The following PACSIN1 variants were observed in gnomAD, a reference collection of about 807,000 sequenced individuals.
PACSIN1 encodes the protein protein kinase C and casein kinase substrate in neurons 1.
In PACSIN1, 15 loss-of-function variants were observed where a neutral mutation model predicts 59.5. The ratio of observed to expected loss-of-function variants is 0.25; its 90% CI spans 0.17 to 0.39. The LOEUF (loss-of-function observed/expected upper bound fraction) is 0.39, where lower values mean the gene tolerates loss of function less well. Among genes scored for constraint, PACSIN1 ranks in the 10% least tolerant of loss-of-function variants. The pLI, the probability that PACSIN1 is intolerant of heterozygous loss-of-function variation, is 1.00. For missense variants in PACSIN1, 420 were observed against 580.2 expected, an observed-to-expected ratio of 0.72 and a Z score of 2.84; for synonymous variants, 210 against 220.6, an observed-to-expected ratio of 0.95 and a Z score of 0.42.
Position 34,516,195 on chromosome 6 carries a change from C to T in PACSIN1, c.-63-10048C>T, listed in dbSNP as rs1391751999. 6.6e-6 allele frequency among the ~76,000 whole-genome samples: 1 copy of T among 152,164 alleles called. No individual in the cohort carries two copies. Among genetic ancestry groups the T allele is most frequent in the Non-Finnish European group, 1.5e-5 (1 of 68,014 alleles). On this transcript the variant is annotated intron_variant, in intron 1 of 9. Transcript: ENST00000244458. The surrounding 1 kb of genome is among the most constrained non-coding windows in gnomAD (Gnocchi z 5.4). ...GGACCACAGTGTGGGGTGTCCCCTT[C>T]CCATGGGCACTCGGGTCAGAGGGCC... is the stretch of plus-strand genomic sequence containing the variant.
rs148761372 is a variant in PACSIN1, at chr6:34,529,786, C to T, written c.733C>T (p.Leu245Phe). The T allele has an allele frequency of 8.9e-5, 143 of 1,613,896 alleles. No homozygotes were observed. The highest frequency in any genetic ancestry group is 1.3e-4 in the Admixed American group (8 of 59,972). ...ATTTGAGGAAAAGCGGCTGGTCTTC[C>T]TCAAGGAGGTGCTGCTGGACATCAA... ...QQFEEKRLVF[L>F]KEVLLDIKRH... Residue 245 changes from leucine to phenylalanine, a missense_variant, in exon 6 of 10, where the codon CTC becomes TTC. Coordinates refer to ENST00000244458, the MANE Select transcript of PACSIN1 (RefSeq NM_020804.5). The surrounding 1 kb of genome is among the most constrained non-coding windows in gnomAD (Gnocchi z 6.3).
In PACSIN1 at chr6:34,530,908, G is replaced by C. The variant is rs900605403; in HGVS notation, c.1037+321G>C. On this transcript the variant is annotated intron_variant, in intron 8 of 9. Transcript: ENST00000244458. The surrounding 1 kb of genome is among the most constrained non-coding windows in gnomAD (Gnocchi z 4.4). ...TCGCATGCGCAGTTCACAATAGGGG[G>C]GTTGCGCTCCTATGAGAATCTAACG... is the stretch of plus-strand genomic sequence containing the variant. Among the ~76,000 whole-genome samples the C allele has an allele frequency of 1.3e-5, 2 of 152,210 alleles. No individual in the cohort carries two copies. The highest frequency in any genetic ancestry group is 2.9e-5 in the Non-Finnish European group (2 of 68,040).
chr6:34,532,262 T>A lies in PACSIN1; in HGVS notation c.1226-159T>A, dbSNP rs2127277017. 6.6e-6 allele frequency among the ~76,000 whole-genome samples: 1 copy of A among 152,028 alleles called. No individual in the cohort carries two copies. Among genetic ancestry groups the A allele is most frequent in the Non-Finnish European group, 1.5e-5 (1 of 67,924 alleles). On this transcript the variant is annotated intron_variant, in intron 9 of 9. Transcript: ENST00000244458. The surrounding 1 kb of genome is among the most constrained non-coding windows in gnomAD (Gnocchi z 5.2). ...CTATGCCAAGGGTGGCACGTGAATG[T>A]TGGCGTGGGACTGGGGCTGGTTTCC... is the stretch of plus-strand genomic sequence containing the variant.
intron 1 of PACSIN1, among the ~76,000 whole-genome samples, chr6:34,489,650 C>T (rs1173488558): frequency 2.0e-5 from 3 of 152,206 alleles, no homozygotes; most frequent in African/African-American, 7.2e-5. Flanking sequence ...GAGACTACCA[C>T]TGGATGTCCT....
At position 34,529,320 on chromosome 6, in the gene PACSIN1, G is replaced by C; in HGVS notation, c.457-77G>C. 6.6e-7 allele frequency: 1 copy of C among 1,517,580 alleles called. No individual in the cohort carries two copies. Among genetic ancestry groups the C allele is most frequent in the Non-Finnish European group, 9.1e-7 (1 of 1,103,592 alleles). The allele number at this position is 1,517,580 out of a possible 1,614,324, so 94.0% of individuals were successfully genotyped here. The stretch of plus-strand genomic sequence containing the variant: ...CTCACAGGTCCCAGGGAGTGGGCAG[G>C]GGAGGAGTTAATGGGTGACCATGTT... On this transcript the variant is annotated intron_variant, in intron 4 of 9. Coordinates refer to ENST00000244458, the MANE Select transcript of PACSIN1 (RefSeq NM_020804.5). The surrounding 1 kb of genome is among the most constrained non-coding windows in gnomAD (Gnocchi z 6.3).
chr6:34,508,660 T>C (rs1767152591), intron 1 of PACSIN1, among the ~76,000 whole-genome samples: 1 of 152,194 alleles, frequency 6.6e-6, no homozygotes, highest in South Asian at 2.1e-4. Flanking sequence ...TTCAAATTTA[T>C]CCACATCCTT....
At position 34,472,144 on chromosome 6, in the gene PACSIN1, C is replaced by T. The variant is rs142575690; in HGVS notation, c.-64+5874C>T. On this transcript the variant is annotated intron_variant, in intron 1 of 9. Transcript: ENST00000244458. ...AAAATTACCTGGGTGTGGTGAAGGA[C>T]GCCTGTAGTCCCAGCTACTCAGGAG... is the stretch of plus-strand genomic sequence containing the variant. Among the ~76,000 whole-genome samples the T allele has an allele frequency of 8.0e-3, 1,210 of 151,980 alleles. 12 individuals carry two copies. The highest frequency in any genetic ancestry group is 0.027 in the African/African-American group (1,107 of 41,418).
In PACSIN1 at chr6:34,529,083, G is replaced by C. The variant is rs542786083; in HGVS notation, c.456+206G>C. Among the ~76,000 whole-genome samples the C allele has an allele frequency of 4.3e-4, 66 of 152,260 alleles. No homozygotes were observed. The highest frequency in any genetic ancestry group is 8.7e-4 in the Non-Finnish European group (59 of 68,016). ...GGGTAAGGAGACCCATGGGCAAAAA[G>C]GGGCACTGTCCCCAGGAAAGATACC... On this transcript the variant is annotated intron_variant, in intron 4 of 9. Coordinates refer to ENST00000244458, the MANE Select transcript of PACSIN1 (RefSeq NM_020804.5). The surrounding 1 kb of genome is among the most constrained non-coding windows in gnomAD (Gnocchi z 6.3).
At chr6:34,471,047 G>T (rs1031459109) in intron 1 of PACSIN1, among the ~76,000 whole-genome samples, 94 of 152,146 alleles carry the variant, frequency 6.2e-4, no homozygotes, top group African/African-American at 2.2e-3. Flanking sequence ...CCAGGTTCAA[G>T]TGATTCTCCT....
Position 34,491,800 on chromosome 6 carries a change from C to T in PACSIN1, c.-64+25530C>T, listed in dbSNP as rs566927994. ...CTAATTTTTGTATATTTAGTAGAGA[C>T]GGGGTTTCACCATGTTGACCAGGCT... On this transcript the variant is annotated intron_variant, in intron 1 of 9. Coordinates refer to ENST00000244458, the MANE Select transcript of PACSIN1 (RefSeq NM_020804.5). Among the ~76,000 whole-genome samples the T allele has an allele frequency of 8.6e-5, 13 of 151,908 alleles. No individual in the cohort carries two copies. The South Asian group carries it at 2.1e-3, about 24-fold the overall frequency.
intron 1 of PACSIN1, among the ~76,000 whole-genome samples, chr6:34,522,416 A>G (rs1767409717): frequency 6.6e-6 from 1 of 152,222 alleles, no homozygotes; most frequent in South Asian, 2.1e-4. Context: ...ACACCTCTCT[A>G]TGTAATGATA....
intron 1 of PACSIN1, among the ~76,000 whole-genome samples, chr6:34,503,658 T>A (rs1767061911): frequency 6.6e-6 from 1 of 152,210 alleles, no homozygotes; most frequent in Non-Finnish European, 1.5e-5. Flanking sequence ...TGTGGTTCCA[T>A]CTCCGGAGGG....
intron 2 of PACSIN1, among the ~76,000 whole-genome samples, chr6:34,526,918 G>C (rs1332281745): frequency 6.6e-6 from 1 of 152,104 alleles, no homozygotes; most frequent in African/African-American, 2.4e-5. Context: ...ATGAGATGTC[G>C]ACAAAACATA....
chr6:34,530,624 G>A lies in PACSIN1; in HGVS notation c.1037+37G>A. On this transcript the variant is annotated intron_variant, in intron 8 of 9. Coordinates refer to ENST00000244458, the MANE Select transcript of PACSIN1 (RefSeq NM_020804.5). The surrounding 1 kb of genome is among the most constrained non-coding windows in gnomAD (Gnocchi z 4.4). ...CTGTGGAGCTTCCTGGGGCCAAGAG[G>A]GACCCACACTCTGGGGCAGCTGAGT... 1.3e-6 allele frequency: 2 copies of A among 1,507,152 alleles called. No individual in the cohort carries two copies. The highest frequency in any genetic ancestry group is 3.6e-4 in the Middle Eastern group (2 of 5,558). The allele number at this position is 1,507,152 out of a possible 1,614,324, so 93.4% of individuals were successfully genotyped here.
Position 34,530,667 on chromosome 6 carries a change from G to A in PACSIN1, c.1037+80G>A. On this transcript the variant is annotated intron_variant, in intron 8 of 9. Coordinates refer to ENST00000244458, the MANE Select transcript of PACSIN1 (RefSeq NM_020804.5). This position sits in a 1 kb window ranked among gnomAD's most constrained non-coding sequence, Gnocchi z 4.4. Reference sequence around the variant, plus strand: ...AGCTGAGTTTTGCTTCAGAAGACAAGAAATGGTCTAGATCATAGCAACTAT... The same window carrying A: ...AGCTGAGTTTTGCTTCAGAAGACAAAAAATGGTCTAGATCATAGCAACTAT... 7.2e-7 allele frequency: 1 copy of A among 1,397,910 alleles called. No homozygotes were observed. 86.6% of individuals were successfully genotyped at this position (1,397,910 alleles called of 1,614,324 possible).
chr6:34,482,138 G>A (rs1182359584), intron 1 of PACSIN1, among the ~76,000 whole-genome samples: 5 of 152,006 alleles, frequency 3.3e-5, no homozygotes, highest in Admixed American at 1.3e-4. Flanking sequence ...CCAGGCTGGA[G>A]TGCAATGGCG....
Position 34,529,907 on chromosome 6 carries a change from G to T in PACSIN1, c.788+66G>T. 1.3e-6 allele frequency: 2 copies of T among 1,514,318 alleles called. No individual in the cohort carries two copies. The highest frequency in any genetic ancestry group is 1.8e-6 in the Non-Finnish European group (2 of 1,110,202). The allele number at this position is 1,514,318 out of a possible 1,614,324, so 93.8% of individuals were successfully genotyped here. On this transcript the variant is annotated intron_variant, in intron 6 of 9. Transcript: ENST00000244458. This position sits in a 1 kb window ranked among gnomAD's most constrained non-coding sequence, Gnocchi z 6.3. ...AGCAGATGGTGTGACTGGCATGCAG[G>T]GCATCCCAGCCCTCCATCACAGTGA...
chr6:34,512,558 C>T (rs549307988), intron 1 of PACSIN1, among the ~76,000 whole-genome samples: 1 of 152,322 alleles, frequency 6.6e-6, no homozygotes, highest in South Asian at 2.1e-4. Flanking sequence ...AGTCCCCACC[C>T]TCCTGGCCTA....
In PACSIN1 at chr6:34,518,296, A is replaced by C. The variant is rs1315273977; in HGVS notation, c.-63-7947A>C. Among the ~76,000 whole-genome samples the C allele has an allele frequency of 6.6e-6, 1 of 152,244 alleles. No homozygotes were observed. Among genetic ancestry groups the C allele is most frequent in the African/African-American group, 2.4e-5 (1 of 41,474 alleles). ...CAGGAGTGTTGCCCACAGAGGAGGC[A>C]GCCTGGCCCCTGCTCTCCAGGTGGC... On this transcript the variant is annotated intron_variant, in intron 1 of 9. Coordinates refer to ENST00000244458, the MANE Select transcript of PACSIN1 (RefSeq NM_020804.5). This position sits in a 1 kb window ranked among gnomAD's most constrained non-coding sequence, Gnocchi z 4.4.
Sources: allele counts gnomAD v4.1 joint callset (sites outside exome capture counted in the v4.1 genomes callset), GRCh38; gene constraint gnomAD v4.1.1; non-coding constraint Gnocchi (gnomAD v3.1); transcripts MANE v1.5; gene names NCBI Gene and HGNC (gene_info 2026-07-23, HGNC 2026-07-21).